The following ASB15 variants were observed in gnomAD, a reference collection of about 807,000 sequenced individuals.
ASB15 encodes the protein ankyrin repeat and SOCS box containing 15.
A neutral mutation model predicts 58.0 loss-of-function variants in ASB15; 54 were observed. The observed-to-expected ratio is 0.93, with a 90% confidence interval of 0.75 to 1.17. The LOEUF is 1.17. ASB15 is among the 50% of genes most tolerant of loss of function. ASB15 has a pLI of 0.00. For synonymous variants in ASB15, 249 were observed against 262.4 expected, an observed-to-expected ratio of 0.95 and a Z score of 0.50; for missense variants, 680 against 707.4, an observed-to-expected ratio of 0.96 and a Z score of 0.44.
chr7:123,628,352 G>C (rs1475709355), intron 9 of ASB15, among the ~76,000 whole-genome samples: 1 of 152,186 alleles, frequency 6.6e-6, no homozygotes, highest in Non-Finnish European at 1.5e-5. Context: ...GCGTCTAACT[G>C]TGTGACCTTG....
chr7:123,602,897 C>A (rs1456368951), intron 1 of ASB15, among the ~76,000 whole-genome samples: 1 of 152,132 alleles, frequency 6.6e-6, no homozygotes, highest in East Asian at 1.9e-4. Flanking sequence ...ATATCCCACT[C>A]TCCACTGCCC....
intron 1 of ASB15, among the ~76,000 whole-genome samples, 197 bp downstream of exon 1, chr7:123,602,111 A>G (rs1799906640): frequency 6.6e-6 from 1 of 152,182 alleles, no homozygotes; most frequent in Non-Finnish European, 1.5e-5. Context: ...TGCTTATAGA[A>G]TATCAACTCA....
chr7:123,587,398 C>G (rs1424108385), intron 1 of ASB15, among the ~76,000 whole-genome samples: 1 of 150,834 alleles, frequency 6.6e-6, no homozygotes, highest in African/African-American at 2.4e-5. Context: ...AATTTTGTAT[C>G]CTGCAACTTT....
In ASB15 at chr7:123,602,150, G is replaced by A. The variant is rs540832960; in HGVS notation, c.-245+236G>A. Among the ~76,000 whole-genome samples, 3 of 152,086 alleles carry A rather than the reference G, an allele frequency of 2.0e-5. No individual in the cohort carries two copies. The South Asian group carries it at 6.2e-4, about 32-fold the overall frequency. ...GCATAATTACTAAGCATAAAAAATT[G>A]TATCATGAGAAAAACAGATTAAGAA... On this transcript the variant is annotated intron_variant, in intron 1 of 11. Transcript: ENST00000451215.
rs1802469533 is a variant in ASB15 at position 123,637,138 on chromosome 7, T to C, written c.*157T>C. The C allele has an allele frequency of 4.0e-6, 2 of 505,992 alleles. No individual in the cohort carries two copies. The highest frequency in any genetic ancestry group is 6.8e-6 in the Non-Finnish European group (2 of 294,172). The allele number at this position is 505,992 out of a possible 1,614,324, so 31.3% of individuals were successfully genotyped here. ...GTTCTTATGGGAACACCATGATTTA[T>C]GTCTTTAAAGACATTTGCATTTTTT... is the stretch of plus-strand genomic sequence containing the variant. On this transcript the variant is annotated 3_prime_UTR_variant, in exon 12 of 12. Coordinates refer to ENST00000451215, the MANE Select transcript of ASB15 (RefSeq NM_001290258.2).
At chr7:123,587,111 T>C (rs1386990679) in intron 1 of ASB15, among the ~76,000 whole-genome samples, 2 of 151,694 alleles carry the variant, frequency 1.3e-5, no homozygotes, top group African/African-American at 4.8e-5. Context: ...AAAAACATCA[T>C]TGGAATTTTG....
intron 1 of ASB15, among the ~76,000 whole-genome samples, chr7:123,578,691 T>C (rs1233904298): frequency 6.6e-6 from 1 of 152,088 alleles, no homozygotes; most frequent in Non-Finnish European, 1.5e-5. Context: ...AATAGCTTAG[T>C]CTTTTCTTTC....
intron 8 of ASB15, among the ~76,000 whole-genome samples, chr7:123,625,653 A>G (rs1801724611): frequency 1.3e-5 from 2 of 152,126 alleles, no homozygotes; most frequent in South Asian, 4.1e-4. Flanking sequence ...ACAGATTGTG[A>G]CACTGCCCTT....
chr7:123,595,127 T>A (rs1177434557), intron 1 of ASB15, among the ~76,000 whole-genome samples: 1 of 152,178 alleles, frequency 6.6e-6, no homozygotes, highest in African/African-American at 2.4e-5. Context: ...ATGGGAGGCC[T>A]AAATGACACT....
At position 123,627,110 on chromosome 7, in the gene ASB15, G is replaced by A. The variant is rs769876808; in HGVS notation, c.698G>A (p.Gly233Asp). ...ATTATGCCACGTTTTATACTGCCAG[G>A]TGGTGATGTGCTTGCTTTGGCGGAT... ...CDVLEHLIHK[G>D]GDVLALADDG... Residue 233 changes from glycine (G) to aspartate (D), a missense_variant and splice_region_variant, in exon 9 of 12, where the codon GGT (glycine) becomes GAT (aspartate). By Grantham distance (94) the Gly-to-Asp change is moderately conservative. Coordinates refer to ENST00000451215, the MANE Select transcript of ASB15 (RefSeq NM_001290258.2). 2.4e-5 allele frequency: 39 copies of A among 1,612,426 alleles called. No homozygotes were observed. Among genetic ancestry groups the A allele is most frequent in the Non-Finnish European group, 3.3e-5 (39 of 1,179,078 alleles).
At chr7:123,617,229 A>G (rs1303145784) in intron 6 of ASB15, among the ~76,000 whole-genome samples, 1 of 152,142 alleles carries the variant, frequency 6.6e-6, no homozygotes, top group Non-Finnish European at 1.5e-5. Context: ...CTCCATTCCC[A>G]CATTCACAGA....
intron 7 of ASB15, 72 bp downstream of exon 7, chr7:123,617,809 T>C: frequency 7.1e-7 from 1 of 1,408,846 alleles, no homozygotes; most frequent in South Asian, 1.4e-5. Context: ...AACCACTGTA[T>C]AATGGCTAAA....
rs1562946971 is a variant in ASB15 at position 123,638,257 on chromosome 7, A to G, written c.*1276A>G. The G allele has an allele frequency of 6.6e-6, 1 of 152,138 alleles. No homozygotes were observed. Among genetic ancestry groups the G allele is most frequent in the Non-Finnish European group, 1.5e-5 (1 of 68,020 alleles). The allele number at this position is 152,138 out of a possible 1,614,324, so 9.4% of individuals were successfully genotyped here. A position where few individuals can be genotyped will look rare whatever the true frequency, so the allele number is the denominator to read the frequency against. On this transcript the variant is annotated 3_prime_UTR_variant, in exon 12 of 12. Transcript: ENST00000451215. ...TTAAGATCATTCCCATTGCTCTTAAATTCCAAAGTTCTTACTTGAACTTTC... is the reference window on the plus strand; with the variant it reads ...TTAAGATCATTCCCATTGCTCTTAAGTTCCAAAGTTCTTACTTGAACTTTC...
chr7:123,631,771 C>A (rs1227691890), intron 11 of ASB15, among the ~76,000 whole-genome samples: 1 of 152,060 alleles, frequency 6.6e-6, no homozygotes, highest in African/African-American at 2.4e-5. Flanking sequence ...GTCAAGAAAA[C>A]TAAATGCAAA....
upstream of ASB15, among the ~76,000 whole-genome samples, chr7:123,598,038 G>A (rs938161118): frequency 6.6e-6 from 1 of 150,784 alleles, no homozygotes; most frequent in Non-Finnish European, 1.5e-5. Context: ...ACAATGGTAA[G>A]CTTTTGGGAC....
intron 1 of ASB15, among the ~76,000 whole-genome samples, chr7:123,593,192 T>C (rs1268907854): frequency 6.6e-6 from 1 of 152,192 alleles, no homozygotes; most frequent in Non-Finnish European, 1.5e-5. Context: ...GTCTCCTGAA[T>C]ATAGCACACA....
intron 1 of ASB15, among the ~76,000 whole-genome samples, chr7:123,592,494 TC>T (rs1799567930): frequency 6.6e-6 from 1 of 152,240 alleles, no homozygotes; most frequent in African/African-American, 2.4e-5. Flanking sequence ...GTCTTTGTTC[TC>T]ATTGATTTCA....
rs1428043297 is a variant in ASB15 at position 123,616,631 on chromosome 7, G to A, written c.292+136G>A. 42 of 1,108,050 alleles carry A rather than the reference G, an allele frequency of 3.8e-5. No individual in the cohort carries two copies. The East Asian group carries it at 1.1e-3, about 29-fold the overall frequency. The allele number at this position is 1,108,050 out of a possible 1,614,324, so 68.6% of individuals were successfully genotyped here. Reference sequence around the variant, plus strand: ...TATTATTTGGAATTTGAAAAAGGCAGCACCCATGTTTTAAACTCAGAGTAT... The same window carrying A: ...TATTATTTGGAATTTGAAAAAGGCAACACCCATGTTTTAAACTCAGAGTAT... On this transcript the variant is annotated intron_variant, in intron 6 of 11. Transcript: ENST00000451215.
intron 11 of ASB15, among the ~76,000 whole-genome samples, chr7:123,634,016 G>C (rs1802278765): frequency 6.6e-6 from 1 of 152,130 alleles, no homozygotes; most frequent in Non-Finnish European, 1.5e-5. Context: ...TATACGATTG[G>C]TGGGTTTTTT....
Sources: gnomAD v4.1 joint callset for allele counts (sites outside exome capture counted in the v4.1 genomes callset) on GRCh38, gnomAD v4.1.1 for gene constraint, MANE v1.5 for transcripts, NCBI Gene and HGNC (gene_info 2026-07-23, HGNC 2026-07-21) for gene names.